Variants in POLE2 observed in about 807,000 individuals in gnomAD.
The protein encoded by POLE2 is DNA polymerase epsilon 2, accessory subunit, also known as DNA polymerase epsilon subunit 2.
A neutral mutation model predicts 79.4 loss-of-function variants in POLE2; 56 were observed. The observed-to-expected ratio is 0.71, with a 90% CI of 0.57 to 0.88. The LOEUF (loss-of-function observed/expected upper bound fraction) is 0.88, where lower values mean the gene tolerates loss of function less well. POLE2 is among the 40% of genes least tolerant of loss of function. The pLI, the probability that POLE2 is intolerant of heterozygous loss-of-function variation, is 0.00. For missense variants in POLE2, 598 were observed against 638.9 expected, an observed-to-expected ratio of 0.94 and a Z score of 0.69; for synonymous variants, 212 against 214.0, an observed-to-expected ratio of 0.99 and a Z score of 0.08.
intron 3 of POLE2, chr14:49,677,511 G>C: frequency 2.0e-6 from 1 of 492,592 alleles, no homozygotes; most frequent in Non-Finnish European, 3.7e-6. Flanking sequence ...CTCACATGAA[G>C]GGCTCCCACC....
intron 13 of POLE2, chr14:49,654,518 A>G (rs888978836): frequency 4.4e-6 from 2 of 454,324 alleles, no homozygotes; most frequent in South Asian, 4.0e-5. Flanking sequence ...AGTGACTATC[A>G]TATCGGAGAG....
At chr14:49,651,198 T>G in intron 16 of POLE2, 71 bp downstream of exon 16, 1 of 682,596 alleles carries the variant, frequency 1.5e-6, no homozygotes, top group African/African-American at 1.8e-5. Context: ...GGACAAATTA[T>G]TAAGTGGCTT....
At position 49,643,685 on chromosome 14, in the gene POLE2, A is replaced by C. The variant is rs1883554098; in HGVS notation, c.1566-15T>G. On this transcript the variant is annotated splice_polypyrimidine_tract_variant and intron_variant, in intron 18 of 18. Transcript: ENST00000216367. Reference sequence around the variant, plus strand: ...CTTGAAGTTTGCTGAAAATAGAAAAAAAAATTAAATATTTGGAAACCTAAG... The same window carrying C: ...CTTGAAGTTTGCTGAAAATAGAAAACAAAATTAAATATTTGGAAACCTAAG... 1 of 1,319,302 alleles carries C rather than the reference A, an allele frequency of 7.6e-7. No homozygotes were observed. Among genetic ancestry groups the C allele is most frequent in the Admixed American group, 2.1e-5 (1 of 47,952 alleles). The allele number at this position is 1,319,302 out of a possible 1,614,324, so 81.7% of individuals were successfully genotyped here. A position where few individuals can be genotyped will look rare whatever the true frequency, so the allele number is the denominator to read the frequency against.
At chr14:49,664,129 G>A (rs1420188812) in intron 9 of POLE2, among the ~76,000 whole-genome samples, 2 of 151,788 alleles carry the variant, frequency 1.3e-5, no homozygotes, top group African/African-American at 2.4e-5. Flanking sequence ...CGGGTGGACT[G>A]CCTGAGCTCA....
Position 49,650,362 on chromosome 14 carries a change from T to A in POLE2, c.1400A>T (p.Tyr467Phe), listed in dbSNP as rs539010611. Reference sequence around the variant, plus strand: ...GGGCACAGGATACACTCTCAAAGCATAGTCATATGCCCAATACACTGGGCA... The same window carrying A: ...GGGCACAGGATACACTCTCAAAGCAAAGTCATATGCCCAATACACTGGGCA... ...YVCPVYWAYD[Y>F]ALRVYPVPDL... is the part of the protein sequence containing the mutation. The change falls in exon 17 of 19, where the codon TAT becomes TTT. Residue 467 changes from tyrosine to phenylalanine, a missense_variant. By Grantham distance (22) the Tyr-to-Phe change is conservative (BLOSUM62 3). Transcript: ENST00000216367. 6.2e-7 allele frequency: 1 copy of A among 1,609,592 alleles called. No homozygotes were observed. Among genetic ancestry groups the A allele is most frequent in the African/African-American group, 1.3e-5 (1 of 74,906 alleles).
chr14:49,677,447 G>A (rs1886363407), intron 3 of POLE2: 1 of 463,922 alleles, frequency 2.2e-6, no homozygotes, highest in East Asian at 4.1e-5. Flanking sequence ...TATCTTGCTT[G>A]GAGACGAGGG....
chr14:49,656,387 CATTAAAA>C (rs1265450773), intron 10 of POLE2, among the ~76,000 whole-genome samples: 1 of 149,052 alleles, frequency 6.7e-6, no homozygotes, highest in African/African-American at 2.5e-5. Flanking sequence ...CTAAAGCAAA[CATTAAAA>C]TAATAATTTC....
intron 16 of POLE2, among the ~76,000 whole-genome samples, chr14:49,650,818 C>T (rs908203541): frequency 1.3e-4 from 20 of 151,990 alleles, no homozygotes; most frequent in African/African-American, 4.8e-4. Context: ...CATCTATTTC[C>T]GTACTTCTCA....
chr14:49,644,469 C>T (rs1379659646), intron 18 of POLE2, among the ~76,000 whole-genome samples: 1 of 149,836 alleles, frequency 6.7e-6, no homozygotes, highest in Admixed American at 6.7e-5. Flanking sequence ...GAGATTGCGC[C>T]ATTGCACTCC....
At chr14:49,645,737 C>A (rs1883713512) in intron 18 of POLE2, among the ~76,000 whole-genome samples, 1 of 152,244 alleles carries the variant, frequency 6.6e-6, no homozygotes, top group Admixed American at 6.5e-5. Context: ...CTCAAGTGAT[C>A]TTCCCACCTC....
intron 10 of POLE2, among the ~76,000 whole-genome samples, chr14:49,660,718 CCT>C (rs1480620871): frequency 6.6e-6 from 1 of 152,052 alleles, no homozygotes; most frequent in Non-Finnish European, 1.5e-5. Context: ...ATAGCGAAAC[CCT>C]GTCTCTACTA....
At position 49,660,891 on chromosome 14, in the gene POLE2, TA is replaced by T. The variant is rs1462104817; in HGVS notation, c.755+2423del. On this transcript the variant is annotated intron_variant, in intron 10 of 18. Transcript: ENST00000216367. ...GGGCAACAAGAGCAAAACTCCGTCT[TA>T]AAAAAAGTTTGTGACCATGGACAAA... is the stretch of plus-strand genomic sequence containing the variant. Among the ~76,000 whole-genome samples the T allele has an allele frequency of 2.6e-5, 4 of 152,204 alleles. No individual in the cohort carries two copies. In the East Asian group the frequency reaches 5.8e-4, roughly 22 times the overall value.
chr14:49,686,334 ACTCT>A (rs112022278), intron 1 of POLE2, among the ~76,000 whole-genome samples: 5 of 152,264 alleles, frequency 3.3e-5, no homozygotes, highest in African/African-American at 9.6e-5. Context: ...TTACTAGAAG[ACTCT>A]CTCTCTTGAT....
chr14:49,665,421 G>A (rs1885410490), intron 7 of POLE2, among the ~76,000 whole-genome samples: 2 of 152,176 alleles, frequency 1.3e-5, no homozygotes, highest in Non-Finnish European at 2.9e-5. Context: ...GACATTTGAT[G>A]TCTGCCATAA....
intron 1 of POLE2, among the ~76,000 whole-genome samples, chr14:49,686,985 T>C (rs41355147): frequency 0.016 from 2,400 of 152,100 alleles, 59 homozygotes; most frequent in African/African-American, 0.054. Context: ...TCAATATGTA[T>C]AAAATATTGT....
intron 3 of POLE2, among the ~76,000 whole-genome samples, chr14:49,676,179 A>G (rs1048008092): frequency 3.3e-5 from 5 of 152,154 alleles, no homozygotes; most frequent in Admixed American, 6.5e-5. Flanking sequence ...TGGAAAACCA[A>G]AAAAAATTAT....
chr14:49,646,301 G>GTTTTTTTTTTTTT (rs1566522550), intron 18 of POLE2, among the ~76,000 whole-genome samples: 2 of 90,772 alleles, frequency 2.2e-5, no homozygotes, highest in African/African-American at 9.5e-5. Context: ...TTTTTTTGTT[G>GTTTTTTTTTTTTT]GTTTTTTTTT....
chr14:49,677,298 G>A lies in POLE2; in HGVS notation c.245+2427C>T, dbSNP rs1293027580. ...TTCCGTTCTTTAAGAGAGATATACT[G>A]TGGAATGGAGAGAAAGGCCGAAGGA... On this transcript the variant is annotated intron_variant, in intron 3 of 18. Transcript: ENST00000216367. 2.7e-5 allele frequency: 15 copies of A among 550,744 alleles called. 1 individual carries two copies. The highest frequency in any genetic ancestry group is 4.7e-5 in the Non-Finnish European group (14 of 299,714). 34.1% of individuals were successfully genotyped at this position (550,744 alleles called of 1,614,324 possible).
At chr14:49,685,612 T>C (rs1184528849) in intron 1 of POLE2, among the ~76,000 whole-genome samples, 2 of 151,992 alleles carry the variant, frequency 1.3e-5, no homozygotes, top group Non-Finnish European at 2.9e-5. Context: ...TCCTGTTCTT[T>C]CTTTTTTTTC....
Sources: gnomAD v4.1 joint callset for allele counts (sites outside exome capture counted in the v4.1 genomes callset) on GRCh38, gnomAD v4.1.1 for gene constraint, MANE v1.5 for transcripts, NCBI Gene and HGNC (gene_info 2026-07-23, HGNC 2026-07-21) for gene names.